ADAM12: variants seen among roughly 807,000 people sequenced by gnomAD.
ADAM12 encodes ADAM metallopeptidase domain 12.
In ADAM12, 70 loss-of-function variants were observed where a neutral mutation model predicts 106.4. The observed-to-expected ratio is 0.66, with a 90% confidence interval of 0.54 to 0.80. The LOEUF is 0.80. ADAM12 is among the 30% of genes least tolerant of loss of function. ADAM12 has a pLI of 0.00. For missense variants in ADAM12, 1,010 were observed against 1,171.9 expected, an observed-to-expected ratio of 0.86 and a Z score of 2.02; for synonymous variants, 420 against 433.5, an observed-to-expected ratio of 0.97 and a Z score of 0.39.
At chr10:126,202,828 C>T (rs147559082) in intron 3 of ADAM12, among the ~76,000 whole-genome samples, 83 of 152,262 alleles carry the variant, frequency 5.5e-4, no homozygotes, top group Admixed American at 2.3e-3. Flanking sequence ...CGCAGACGTA[C>T]GTGTCTCTGA....
At chr10:126,150,992 A>T (rs1470891045) in intron 4 of ADAM12, among the ~76,000 whole-genome samples, 2 of 152,170 alleles carry the variant, frequency 1.3e-5, no homozygotes, top group East Asian at 3.8e-4. Flanking sequence ...TATTTTGTAC[A>T]CATCTCCTAT....
rs375200336 is a variant in ADAM12 at position 126,290,229 on chromosome 10, C to A, written c.187-11241G>T. 6.3e-4 allele frequency among the ~76,000 whole-genome samples: 96 copies of A among 152,284 alleles called. 1 individual carries two copies. In the East Asian group the frequency reaches 0.011, roughly 18 times the overall value. On this transcript the variant is annotated intron_variant, in intron 2 of 22. Coordinates refer to ENST00000448723, the MANE Select transcript of ADAM12 (RefSeq NM_001288973.2). ...ACCATGTTCCTACCACCACATAGAA[C>A]TGAATTCCGCCAGTGCGTCAAGGAG...
chr10:126,142,200 G>A lies in ADAM12; in HGVS notation c.340-6540C>T, dbSNP rs1956525752. Among the ~76,000 whole-genome samples, 3 of 152,160 alleles carry A rather than the reference G, an allele frequency of 2.0e-5. No individual in the cohort carries two copies. The South Asian group carries it at 6.2e-4, about 32-fold the overall frequency. ...GGGAGACCCTAATCCAGCGGCACTA[G>A]AGGAATTAAAGACACACACACAGAA... is the stretch of plus-strand genomic sequence containing the variant. On this transcript the variant is annotated intron_variant, in intron 4 of 22. Coordinates refer to ENST00000448723, the MANE Select transcript of ADAM12 (RefSeq NM_001288973.2).
At chr10:126,275,179 A>G (rs1252060041) in intron 3 of ADAM12, among the ~76,000 whole-genome samples, 1 of 152,220 alleles carries the variant, frequency 6.6e-6, no homozygotes, top group East Asian at 1.9e-4. Context: ...TCATTATCCT[A>G]AACTGGAAAA....
chr10:126,042,176 C>A (rs1954191134), intron 18 of ADAM12: 3 of 1,613,818 alleles, frequency 1.9e-6, no homozygotes, highest in Non-Finnish European at 1.7e-6. Context: ...TCCTGCGATC[C>A]CACGGGCTCC....
intron 3 of ADAM12, among the ~76,000 whole-genome samples, chr10:126,254,271 TCA>T (rs1240075604): frequency 2.0e-5 from 3 of 152,218 alleles, no homozygotes; most frequent in Admixed American, 6.5e-5. Context: ...GGGCTGTGCC[TCA>T]GTTTCCTTGG....
intron 3 of ADAM12, among the ~76,000 whole-genome samples, chr10:126,197,820 AAGGG>A (rs1445183065): frequency 1.3e-5 from 2 of 152,094 alleles, no homozygotes; most frequent in African/African-American, 4.8e-5. Flanking sequence ...CATCTTTGGG[AAGGG>A]AGGGAGGTTA....
rs776473888 is a variant in ADAM12 at position 126,271,608 on chromosome 10, T to A, written c.260+7307A>T. 3.2e-4 allele frequency among the ~76,000 whole-genome samples: 49 copies of A among 152,100 alleles called. 1 individual carries two copies. Among genetic ancestry groups the A allele is most frequent in the Admixed American group, 2.0e-4 (3 of 15,272 alleles). ...GGTGAAACCCGGTCTCTACAAAAAATAGAAAAACTAGCTGGATATTGCAGC... is the reference window on the plus strand; with the variant it reads ...GGTGAAACCCGGTCTCTACAAAAAAAAGAAAAACTAGCTGGATATTGCAGC... On this transcript the variant is annotated intron_variant, in intron 3 of 22. Coordinates refer to ENST00000448723, the MANE Select transcript of ADAM12 (RefSeq NM_001288973.2).
chr10:126,044,337 AAG>A (rs1471715477), intron 17 of ADAM12, among the ~76,000 whole-genome samples: 1 of 152,154 alleles, frequency 6.6e-6, no homozygotes, highest in Non-Finnish European at 1.5e-5. Flanking sequence ...TGGATTAAAA[AAG>A]AGAAATCACT....
intron 2 of ADAM12, among the ~76,000 whole-genome samples, chr10:126,325,324 C>T (rs1854260088): frequency 6.6e-6 from 1 of 152,178 alleles, no homozygotes; most frequent in Non-Finnish European, 1.5e-5. Context: ...ATGGGAGCTG[C>T]TACCAAGGGT....
intron 1 of ADAM12, among the ~76,000 whole-genome samples, chr10:126,332,707 C>G (rs750207002): frequency 6.6e-6 from 1 of 152,044 alleles, no homozygotes; most frequent in Non-Finnish European, 1.5e-5. Context: ...GTAGAGGGAG[C>G]GCAAGACTTT....
chr10:126,285,815 G>C (rs760113826), intron 2 of ADAM12, among the ~76,000 whole-genome samples: 3 of 152,074 alleles, frequency 2.0e-5, no homozygotes, highest in Non-Finnish European at 4.4e-5. Flanking sequence ...AGACGGGTGC[G>C]GCCAGGACCC....
At chr10:126,122,062 C>G (rs1437528277) in intron 5 of ADAM12, among the ~76,000 whole-genome samples, 1 of 152,134 alleles carries the variant, frequency 6.6e-6, no homozygotes. Context: ...CCTGTGAGAG[C>G]TAAGATGTGC....
chr10:126,105,884 G>T (rs1247491670), intron 8 of ADAM12, among the ~76,000 whole-genome samples: 1 of 152,216 alleles, frequency 6.6e-6, no homozygotes, highest in Non-Finnish European at 1.5e-5. Flanking sequence ...GGCAGGGGTT[G>T]CCAGGAAGTT....
chr10:126,189,823 A>G (rs1957464410), intron 3 of ADAM12, among the ~76,000 whole-genome samples: 1 of 152,034 alleles, frequency 6.6e-6, no homozygotes, highest in Non-Finnish European at 1.5e-5. Flanking sequence ...CTGCTCTGCA[A>G]GGCTGAGCCT....
At position 126,050,739 on chromosome 10, in the gene ADAM12, G is replaced by T. The variant is rs139138432; in HGVS notation, c.1610-1070C>A. Among the ~76,000 whole-genome samples, 1,011 of 152,280 alleles carry T rather than the reference G, an allele frequency of 6.6e-3. 10 individuals are homozygous for T. Among genetic ancestry groups the T allele is most frequent in the African/African-American group, 0.023 (963 of 41,554 alleles). Reference sequence around the variant, plus strand: ...GCCTGCACCTGATCCCTTCTCATCAGCTACTAGCAGACATGATCATCTCAT... The same window carrying T: ...GCCTGCACCTGATCCCTTCTCATCATCTACTAGCAGACATGATCATCTCAT... On this transcript the variant is annotated intron_variant, in intron 14 of 22. Transcript: ENST00000448723.
At chr10:126,379,631 C>A (rs942316465) in intron 1 of ADAM12, among the ~76,000 whole-genome samples, 1 of 152,038 alleles carries the variant, frequency 6.6e-6, no homozygotes. Context: ...CACCATGGCA[C>A]CTGTATACCT....
chr10:126,377,552 C>T (rs1856337792), intron 1 of ADAM12, among the ~76,000 whole-genome samples: 1 of 152,070 alleles, frequency 6.6e-6, no homozygotes, highest in African/African-American at 2.4e-5. Flanking sequence ...TCTGCCTTTC[C>T]CGGCCCACTG....
chr10:126,294,923 T>C (rs1960303891), intron 2 of ADAM12, among the ~76,000 whole-genome samples: 1 of 147,168 alleles, frequency 6.8e-6, no homozygotes, highest in African/African-American at 2.5e-5. Flanking sequence ...TGTATGTGTG[T>C]GTGTGCCTGT....
Sources: allele counts gnomAD v4.1 joint callset (sites outside exome capture counted in the v4.1 genomes callset), GRCh38; gene constraint gnomAD v4.1.1; transcripts MANE v1.5; gene names NCBI Gene and HGNC (gene_info 2026-07-23, HGNC 2026-07-21).